Variants in F8 observed in about 807,000 individuals in gnomAD.
F8 encodes coagulation factor VIII.
In F8, 12 loss-of-function variants were observed where a neutral mutation model predicts 140.6. The ratio of observed to expected loss-of-function variants is 0.09; its 90% confidence interval spans 0.05 to 0.14. The LOEUF (loss-of-function observed/expected upper bound fraction) is 0.14, where lower values mean the gene tolerates loss of function less well. Ranked by LOEUF, F8 falls within the 10% of genes least tolerant of loss-of-function variation. F8 has a pLI of 1.00. For synonymous variants in F8, 585 were observed against 614.6 expected, an observed-to-expected ratio of 0.95 and a Z score of 0.71; for missense variants, 1,354 against 1,720.7, an observed-to-expected ratio of 0.79 and a Z score of 3.77.
At chrX:155,016,802 G>C (rs2073736415) in intron 1 of F8, among the ~76,000 whole-genome samples, 1 of 112,443 alleles carries the variant, frequency 8.9e-6, no homozygotes, top group Admixed American at 9.4e-5. Context: ...ATGTTGATTA[G>C]GGTGGTGGTT....
At chrX:154,907,539 A>G (rs1297354500) in intron 14 of F8, among the ~76,000 whole-genome samples, 1 of 111,796 alleles carries the variant, frequency 8.9e-6, no homozygotes. Flanking sequence ...ACCATTTTCC[A>G]TTTTCATTAG....
chrX:154,935,712 C>T (rs1193797871), intron 13 of F8, among the ~76,000 whole-genome samples: 1 of 110,985 alleles, frequency 9.0e-6, no homozygotes, highest in East Asian at 2.8e-4. Flanking sequence ...CATCAATTAA[C>T]TCAACAACCC....
intron 14 of F8, among the ~76,000 whole-genome samples, chrX:154,917,437 G>A (rs781946037): frequency 6.9e-4 from 77 of 111,460 alleles, no homozygotes; most frequent in Non-Finnish European, 1.3e-3. Flanking sequence ...TATTTGGGTT[G>A]AATCTGTTTG....
intron 22 of F8, among the ~76,000 whole-genome samples, chrX:154,877,747 A>C (rs1404258550): frequency 8.9e-6 from 1 of 112,033 alleles, no homozygotes; most frequent in Non-Finnish European, 1.9e-5. Flanking sequence ...ATCGAACTGT[A>C]AGATAATAAA....
In F8 at chrX:154,993,072, A is replaced by G. The variant is rs2073597310; in HGVS notation, c.465T>C (p.Tyr155=). 2 of 1,210,391 alleles carry G rather than the reference A, an allele frequency of 1.7e-6. No homozygotes were observed. Among genetic ancestry groups the G allele is most frequent in the African/African-American group, 3.5e-5 (2 of 57,276 alleles). Reference sequence around the variant, plus strand: ...CATTCTCTTTCAGGACCTGCCAGACATATGTATGGCTTCCACCAGGGAAGA... The same window carrying G: ...CATTCTCTTTCAGGACCTGCCAGACGTATGTATGGCTTCCACCAGGGAAGA... The part of the protein sequence containing the change: ...DKVFPGGSHT[Y]VWQVLKENGP... The change falls in exon 4 of 26, where the codon TAT becomes TAC. Residue 155 remains tyrosine (Y), a synonymous_variant. Coordinates refer to ENST00000360256, the MANE Select transcript of F8 (RefSeq NM_000132.4).
chrX:155,015,599 G>T (rs1050768066), intron 1 of F8, among the ~76,000 whole-genome samples: 1 of 112,090 alleles, frequency 8.9e-6, no homozygotes, highest in Admixed American at 9.5e-5. Flanking sequence ...TCACTTAGAA[G>T]TGGGAGCTAA....
intron 25 of F8, among the ~76,000 whole-genome samples, chrX:154,855,522 T>C (rs782507552): frequency 8.9e-6 from 1 of 112,007 alleles, no homozygotes; most frequent in African/African-American, 3.2e-5. Context: ...TGGGAAAGAA[T>C]GGGGCACTAC....
At position 154,929,286 on chromosome X, in the gene F8, G is replaced by A. The variant is rs2073178131; in HGVS notation, c.4504C>T (p.Pro1502Ser). 1 of 1,211,892 alleles carries A rather than the reference G, an allele frequency of 8.3e-7. No individual in the cohort carries two copies. The highest frequency in any genetic ancestry group is 1.8e-5 in the South Asian group (1 of 57,006). ...KKVENTVLPK[P>S]DLPKTSGKVE... ...TTGCCAGATGTTTTGGGCAAGTCTG[G>A]TTTCGGGAGAACAGTGTTCTCAACT... is the stretch of plus-strand genomic sequence containing the variant. Residue 1502 changes from proline (P) to serine (S), a missense_variant, in exon 14 of 26, where the codon CCA becomes TCA. By Grantham distance (74) the Pro-to-Ser change is moderately conservative. This residue lies in a region of F8 where 658 missense variants were observed against 666.5 expected (regional missense o/e 0.99). Coordinates refer to ENST00000360256, the MANE Select transcript of F8 (RefSeq NM_000132.4).
intron 14 of F8, among the ~76,000 whole-genome samples, chrX:154,907,365 A>C (rs1557276422): frequency 2.7e-5 from 3 of 111,788 alleles, no homozygotes; most frequent in African/African-American, 9.7e-5. Flanking sequence ...AATCACGGAC[A>C]TTTGAGTTGT....
At chrX:154,892,084 C>CA (rs1375476509) in intron 22 of F8, among the ~76,000 whole-genome samples, 1 of 111,591 alleles carries the variant, frequency 9.0e-6, no homozygotes, top group African/African-American at 3.3e-5. Flanking sequence ...TCTCAGGCCT[C>CA]AGAGTTTCAC....
At chrX:154,921,923 A>C (rs1468880916) in intron 14 of F8, among the ~76,000 whole-genome samples, 4 of 111,252 alleles carry the variant, frequency 3.6e-5, no homozygotes, top group African/African-American at 9.8e-5. Flanking sequence ...AGATATACCT[A>C]ATGTAAATGA....
chrX:154,990,285 G>C (rs1413167402), intron 4 of F8, among the ~76,000 whole-genome samples: 2 of 111,069 alleles, frequency 1.8e-5, no homozygotes, highest in Non-Finnish European at 3.8e-5. Flanking sequence ...TGAGTTATTT[G>C]AATATTTTTG....
intron 22 of F8, among the ~76,000 whole-genome samples, chrX:154,892,218 C>G (rs1375927589): frequency 8.9e-6 from 1 of 112,486 alleles, no homozygotes; most frequent in African/African-American, 3.2e-5. Context: ...CCACAGGATA[C>G]GGAGTATTCC....
chrX:154,984,544 A>G lies in F8; in HGVS notation c.787+143T>C, dbSNP rs182509350. The G allele has an allele frequency of 7.4e-6, 4 of 541,302 alleles. No homozygotes were observed. The East Asian group carries it at 1.3e-4, about 18-fold the overall frequency. The allele number at this position is 541,302 out of a possible 1,213,427, so 44.6% of individuals were successfully genotyped here. A position where few individuals can be genotyped will look rare whatever the true frequency, so the allele number is the denominator to read the frequency against. ...CCAAAAGAGGAATTGCCTACTATACATTAAGATCCCCAGAGGCCAGAGATC... is the reference window on the plus strand; with the variant it reads ...CCAAAAGAGGAATTGCCTACTATACGTTAAGATCCCCAGAGGCCAGAGATC... On this transcript the variant is annotated intron_variant, in intron 6 of 25. Transcript: ENST00000360256.
At chrX:154,906,350 TA>T in intron 15 of F8, 69 bp downstream of exon 15, 1 of 1,016,532 alleles carries the variant, frequency 9.8e-7, no homozygotes, top group Non-Finnish European at 1.3e-6. Context: ...AAAGTGGGAA[TA>T]CATTATAGTC....
chrX:154,924,036 T>C (rs1274197634), intron 14 of F8, among the ~76,000 whole-genome samples: 2 of 112,355 alleles, frequency 1.8e-5, no homozygotes, highest in Non-Finnish European at 3.8e-5. Context: ...CTGCCATCCA[T>C]GTAAGACAAG....
At chrX:154,969,125 C>A (rs782705926) in intron 7 of F8, among the ~76,000 whole-genome samples, 60 of 111,072 alleles carry the variant, frequency 5.4e-4, no homozygotes, top group Non-Finnish European at 1.0e-3. Context: ...ATCCATGAGT[C>A]CTACTAATAC....
At chrX:154,871,320 A>C (rs1466994331) in intron 22 of F8, among the ~76,000 whole-genome samples, 1 of 112,176 alleles carries the variant, frequency 8.9e-6, no homozygotes, top group Non-Finnish European at 1.9e-5. Context: ...ACAGTAACCA[A>C]AACAGCATGG....
In F8 at chrX:154,843,346, T is replaced by C. The variant is rs189308871; in HGVS notation, c.6901-5594A>G. On this transcript the variant is annotated intron_variant, in intron 25 of 25. Coordinates refer to ENST00000360256, the MANE Select transcript of F8 (RefSeq NM_000132.4). Reference sequence around the variant, plus strand: ...GGCTGGGTCAAATGGTATTTCTAGTTCTAGATCCTTGAGGAATCGCCACAC... The same window carrying C: ...GGCTGGGTCAAATGGTATTTCTAGTCCTAGATCCTTGAGGAATCGCCACAC... 8.3e-3 allele frequency among the ~76,000 whole-genome samples: 925 copies of C among 112,111 alleles called. 6 individuals carry two copies. Among genetic ancestry groups the C allele is most frequent in the Non-Finnish European group, 9.4e-3 (499 of 53,161 alleles).
Sources: gnomAD v4.1 joint callset for allele counts (sites outside exome capture counted in the v4.1 genomes callset) on GRCh38, gnomAD v4.1.1 for gene constraint, gnomAD v4.1.1 regional missense constraint, MANE v1.5 for transcripts, NCBI Gene and HGNC (gene_info 2026-07-23, HGNC 2026-07-21) for gene names.